ATXN3: variants seen among roughly 807,000 people sequenced by gnomAD.
ATXN3 encodes ataxin-3.
A neutral mutation model predicts 58.2 loss-of-function variants in ATXN3; 28 were observed. That is an observed-to-expected ratio of 0.48 (90% confidence interval 0.36 to 0.66). The LOEUF (loss-of-function observed/expected upper bound fraction) is 0.66. Ranked by LOEUF, ATXN3 falls within the 30% of genes least tolerant of loss-of-function variation. ATXN3 has a pLI of 0.00. For synonymous variants in ATXN3, 113 were observed against 138.5 expected (o/e 0.82, Z 1.29); for missense variants, 321 against 422.1 (o/e 0.76, Z 2.10).
chr14:92,048,921 G>A (rs910300450), intron 1 of ATXN3, among the ~76,000 whole-genome samples: 10 of 152,106 alleles, frequency 6.6e-5, no homozygotes, highest in South Asian at 4.1e-4. Flanking sequence ...GGGATGAGTC[G>A]CACTGGGAGC....
At chr14:92,046,633 G>A (rs893139680) in intron 2 of ATXN3, among the ~76,000 whole-genome samples, 6 of 152,156 alleles carry the variant, frequency 3.9e-5, no homozygotes, top group Non-Finnish European at 7.3e-5. Flanking sequence ...AATGGAAAGG[G>A]GAGTGGGGAA....
Position 92,101,714 on chromosome 14 carries a change from C to A in ATXN3, c.24+4815G>T, listed in dbSNP as rs533381185. Among the ~76,000 whole-genome samples, 13 of 151,324 alleles carry A rather than the reference C, an allele frequency of 8.6e-5. No homozygotes were observed. In the East Asian group the frequency reaches 1.8e-3, roughly 20 times the overall value. On this transcript the variant is annotated intron_variant, in intron 1 of 10. Transcript: ENST00000644486. ...CTCTACTAAAAATATAAGAATTAGC[C>A]AGGTGTGGTGGCAGGCGCCTGTAGT...
intron 6 of ATXN3, among the ~76,000 whole-genome samples, chr14:92,084,144 C>T (rs2061952941): frequency 6.6e-6 from 1 of 152,138 alleles, no homozygotes; most frequent in African/African-American, 2.4e-5. Flanking sequence ...TGGGACTTCA[C>T]CTTGTGATCA....
chr14:92,081,418 AG>A (rs2061433236), intron 8 of ATXN3, among the ~76,000 whole-genome samples: 1 of 144,764 alleles, frequency 6.9e-6, no homozygotes, highest in Admixed American at 7.2e-5. Context: ...GGTTGCAGTG[AG>A]CCAAGATCAC....
chr14:92,070,932 T>C lies in ATXN3; in HGVS notation c.991+3A>G. 1 of 1,612,648 alleles carries C rather than the reference T, an allele frequency of 6.2e-7. No individual in the cohort carries two copies. Among genetic ancestry groups the C allele is most frequent in the Non-Finnish European group, 8.5e-7 (1 of 1,179,568 alleles). On this transcript the variant is annotated splice_donor_region_variant and intron_variant, in intron 10 of 10. Coordinates refer to ENST00000644486, the MANE Select transcript of ATXN3 (RefSeq NM_004993.6). ...AACATGATGAATGGTGAGCAGGCCT[T>C]ACCTAGATCACTCCCAAGTGCTCCT... is the stretch of plus-strand genomic sequence containing the variant.
intron 5 of ATXN3, 47 bp downstream of exon 5, chr14:92,093,205 G>A (rs760060027): frequency 1.5e-6 from 2 of 1,294,504 alleles, no homozygotes; most frequent in East Asian, 2.4e-5. Flanking sequence ...AGTTTTAAAT[G>A]GGGTACAATA....
At chr14:92,087,020 A>G (rs2062743579) in intron 6 of ATXN3, among the ~76,000 whole-genome samples, 2 of 152,222 alleles carry the variant, frequency 1.3e-5, no homozygotes, top group Admixed American at 6.5e-5. Flanking sequence ...TAGAAAGAAC[A>G]TAATTTTAAT....
At chr14:92,054,223 C>T (rs1241749292), downstream of ATXN3, among the ~76,000 whole-genome samples, 6 of 152,180 alleles carry the variant, frequency 3.9e-5, no homozygotes, top group Non-Finnish European at 1.5e-5. Flanking sequence ...CATGAACCAC[C>T]GTGCCCGGCT....
In ATXN3 at chr14:92,096,760, A is replaced by T. The variant is rs1428811774; in HGVS notation, c.103T>A (p.Ser35Thr). The change falls in exon 2 of 11, where the codon TCA becomes ACA. Residue 35 changes from serine to threonine, a missense_variant. Transcript: ENST00000644486. ...TCCTCATCCAGCTGATGTGCAATTGAGGATAATTCCACAGGGCTAAAATAT... is the reference window on the plus strand; with the variant it reads ...TCCTCATCCAGCTGATGTGCAATTGTGGATAATTCCACAGGGCTAAAATAT... ...GEYFSPVELSSIAHQLDEEER... is the reference protein window; with the variant it reads ...GEYFSPVELSTIAHQLDEEER... The T allele has an allele frequency of 1.9e-6, 3 of 1,613,616 alleles. No individual in the cohort carries two copies.
intron 1 of ATXN3, among the ~76,000 whole-genome samples, chr14:92,100,447 T>G (rs2066508940): frequency 6.6e-6 from 1 of 151,844 alleles, no homozygotes; most frequent in Non-Finnish European, 1.5e-5. Context: ...CCCAAATGGA[T>G]AGCTGGGATC....
chr14:92,101,447 A>C (rs1395750984), intron 1 of ATXN3, among the ~76,000 whole-genome samples: 4 of 152,222 alleles, frequency 2.6e-5, no homozygotes, highest in Non-Finnish European at 5.9e-5. Flanking sequence ...AGCCCACGTA[A>C]GATTATGCAT....
intron 1 of ATXN3, among the ~76,000 whole-genome samples, chr14:92,104,345 T>C (rs2067647142): frequency 6.6e-6 from 1 of 152,088 alleles, no homozygotes; most frequent in Non-Finnish European, 1.5e-5. Context: ...TTTCACCATG[T>C]TGGCCAGGCT....
In ATXN3 at chr14:92,058,734, ACAGAAGGGCTG is replaced by A. The variant is rs1322275840; in HGVS notation, c.*5575_*5585del. The A allele has an allele frequency of 6.6e-6, 1 of 152,194 alleles. No individual in the cohort carries two copies. The highest frequency in any genetic ancestry group is 2.4e-5 in the African/African-American group (1 of 41,442). The allele number at this position is 152,194 out of a possible 1,614,324, so 9.4% of individuals were successfully genotyped here. On this transcript the variant is annotated 3_prime_UTR_variant, in exon 11 of 11. Transcript: ENST00000644486. ...AAATGAACTTAACGAGGGAGCACACACAGAAGGGCTGCAGGGCTGGGTCCTGAGCAAGCGGC... is the reference window on the plus strand; with the variant it reads ...AAATGAACTTAACGAGGGAGCACACACAGGGCTGGGTCCTGAGCAAGCGGC...
rs1345606862 is a variant in ATXN3, at chr14:92,061,889, A to C, written c.*2431T>G. 1 of 152,210 alleles carries C rather than the reference A, an allele frequency of 6.6e-6. No homozygotes were observed. The highest frequency in any genetic ancestry group is 2.1e-4 in the South Asian group (1 of 4,834). 9.4% of individuals were successfully genotyped at this position (152,210 alleles called of 1,614,324 possible). A position where few individuals can be genotyped will look rare whatever the true frequency, so the allele number is the denominator to read the frequency against. ...CTAGTGCTTCTGGATCTGCCTGCTAAATGTAACAATTTCACAACAAACTAC... is the reference window on the plus strand; with the variant it reads ...CTAGTGCTTCTGGATCTGCCTGCTACATGTAACAATTTCACAACAAACTAC... On this transcript the variant is annotated 3_prime_UTR_variant, in exon 11 of 11. Coordinates refer to ENST00000644486, the MANE Select transcript of ATXN3 (RefSeq NM_004993.6).
intron 1 of ATXN3, among the ~76,000 whole-genome samples, chr14:92,101,953 G>C (rs2066908721): frequency 6.6e-6 from 1 of 152,048 alleles, no homozygotes; most frequent in African/African-American, 2.4e-5. Flanking sequence ...AAGAGATCAA[G>C]ACCATCCTGG....
chr14:92,093,540 G>T, intron 4 of ATXN3: 1 of 630,052 alleles, frequency 1.6e-6, no homozygotes, highest in Non-Finnish European at 2.8e-6. Context: ...GGTCAGCTCT[G>T]TGCTGCCACA....
intron 2 of ATXN3, among the ~76,000 whole-genome samples, chr14:92,045,124 G>A (rs1207160358): frequency 2.6e-5 from 4 of 152,168 alleles, no homozygotes; most frequent in Admixed American, 1.3e-4. Context: ...GTAGCTTCTC[G>A]AGGACGGGCT....
chr14:92,067,997 A>G (rs10140666), intron 10 of ATXN3, among the ~76,000 whole-genome samples: 43,584 of 151,764 alleles, frequency 0.29, 6,612 homozygotes, highest in East Asian at 0.44. Context: ...TGATCTCCAC[A>G]TGGCCTCCAC....
chr14:92,074,379 G>A (rs1407211678), intron 9 of ATXN3, among the ~76,000 whole-genome samples: 1 of 152,150 alleles, frequency 6.6e-6, no homozygotes, highest in African/African-American at 2.4e-5. Context: ...CCTCCACTTT[G>A]GTTGTTCTCT....
Sources: allele counts gnomAD v4.1 joint callset (sites outside exome capture counted in the v4.1 genomes callset), GRCh38; gene constraint gnomAD v4.1.1; transcripts MANE v1.5; gene names NCBI Gene and HGNC (gene_info 2026-07-23, HGNC 2026-07-21).